Variants in TMEM272 observed in about 807,000 individuals in gnomAD.
TMEM272 encodes the protein long intergenic non-protein coding RNA 282.
TMEM272 carries 8 observed loss-of-function variants against 3.7 expected under a neutral mutation model. The observed-to-expected ratio is 2.17, with a 90% CI of 1.27 to 3.91. The LOEUF (loss-of-function observed/expected upper bound fraction) is 3.91. Among genes scored for constraint, TMEM272 ranks in the 30% most tolerant of loss-of-function variants. The pLI, the probability that TMEM272 is intolerant of heterozygous loss-of-function variation, is 0.00. For missense variants in TMEM272, 166 were observed against 91.5 expected (o/e 1.81, Z -3.32); for synonymous variants, 63 against 39.8 (o/e 1.58, Z -2.20).
At chr13:51,906,286 A>C in the TMEM272 span, among the ~76,000 whole-genome samples, 180 of 152,304 alleles carry the variant, frequency 1.2e-3, no homozygotes, top group African/African-American at 4.2e-3. Context: ...GGGGGAGAGA[A>C]GGGATTCACT....
chr13:51,868,996 AG>A, the TMEM272 span, among the ~76,000 whole-genome samples: 1 of 152,210 alleles, frequency 6.6e-6, no homozygotes, highest in African/African-American at 2.4e-5. Context: ...TTTGAAATGC[AG>A]TGGGTTCTCC....
the TMEM272 span, among the ~76,000 whole-genome samples, chr13:51,864,927 C>G: frequency 6.6e-6 from 1 of 152,168 alleles, no homozygotes; most frequent in Non-Finnish European, 1.5e-5. Context: ...GTCCCAGGCT[C>G]GTAACAGAGG....
the TMEM272 span, among the ~76,000 whole-genome samples, chr13:51,864,702 G>T: frequency 6.6e-6 from 1 of 152,230 alleles, no homozygotes; most frequent in South Asian, 2.1e-4. Context: ...GTTTCCTCAG[G>T]GTTTATACCT....
chr13:51,816,702 C>T lies in TMEM272; in HGVS notation c.*49G>A, dbSNP rs995079187. ...GCGTCTGTGTGTCTGTGTGCACGCG[C>T]GTGCATGCACACGCATATGCATACA... On this transcript the variant is annotated 3_prime_UTR_variant, in exon 5 of 5. Transcript: ENST00000629372. 1.5e-5 allele frequency: 10 copies of T among 656,104 alleles called. No individual in the cohort carries two copies. Among genetic ancestry groups the T allele is most frequent in the Middle Eastern group, 3.2e-4 (1 of 3,124 alleles). 40.6% of individuals were successfully genotyped at this position (656,104 alleles called of 1,614,324 possible).
At chr13:51,880,438 TTTTAAAAACCTGATTGGGAAAAC>T in the TMEM272 span, among the ~76,000 whole-genome samples, 1 of 152,154 alleles carries the variant, frequency 6.6e-6, no homozygotes, top group Non-Finnish European at 1.5e-5. Context: ...AATCAGTTAT[TTTTAAAAACCTGATTGGGAAAAC>T]CAAGAAGGTA....
At chr13:51,825,183 G>C (rs1453706667) in intron 3 of TMEM272, among the ~76,000 whole-genome samples, 2 of 152,098 alleles carry the variant, frequency 1.3e-5, no homozygotes, top group Non-Finnish European at 2.9e-5. Context: ...TGATTGAATT[G>C]TTCACTCTTA....
At position 51,822,253 on chromosome 13, in the gene TMEM272, G is replaced by A. The variant is rs1593591014; in HGVS notation, c.119-116C>T. On this transcript the variant is annotated intron_variant, in intron 3 of 4. Coordinates refer to ENST00000629372, the MANE Select transcript of TMEM272 (RefSeq NM_001351003.2). ...AAAATGTTAATCATGCAAACCATAT[G>A]CTTGTGGGATCTGCTCAGCCTCACC... 6.6e-6 allele frequency: 4 copies of A among 605,048 alleles called. No homozygotes were observed. The East Asian group carries it at 1.1e-4, about 17-fold the overall frequency. The allele number at this position is 605,048 out of a possible 1,614,324, so 37.5% of individuals were successfully genotyped here. A position where few individuals can be genotyped will look rare whatever the true frequency, so the allele number is the denominator to read the frequency against.
chr13:51,927,674 C>G, the TMEM272 span, among the ~76,000 whole-genome samples: 10 of 152,192 alleles, frequency 6.6e-5, no homozygotes, highest in Non-Finnish European at 1.5e-4. Flanking sequence ...CCCCAATGTG[C>G]ACCAGCATCA....
chr13:51,866,251 G>T, the TMEM272 span: 10 of 597,422 alleles, frequency 1.7e-5, no homozygotes, highest in South Asian at 1.5e-4. Context: ...AGGAAGGCTG[G>T]CTGCATTTTT....
the TMEM272 span, among the ~76,000 whole-genome samples, chr13:51,877,724 T>A: frequency 6.6e-6 from 1 of 152,240 alleles, no homozygotes; most frequent in African/African-American, 2.4e-5. Flanking sequence ...TCCTGTCTTA[T>A]TTGCTGCAAA....
the TMEM272 span, among the ~76,000 whole-genome samples, chr13:51,850,723 A>G: frequency 6.6e-6 from 1 of 152,104 alleles, no homozygotes; most frequent in South Asian, 2.1e-4. Flanking sequence ...ATCTAATACT[A>G]TACTCTTTTG....
At chr13:51,892,307 C>A in the TMEM272 span, among the ~76,000 whole-genome samples, 1 of 152,202 alleles carries the variant, frequency 6.6e-6, no homozygotes, top group Admixed American at 6.5e-5. Flanking sequence ...AACATCTACT[C>A]CGCTGTACAC....
rs989242144 is a variant in TMEM272 at position 51,817,037 on chromosome 13, T to A, written c.278A>T (p.Asp93Val). 1.0e-5 allele frequency: 7 copies of A among 702,878 alleles called. No individual in the cohort carries two copies. Among genetic ancestry groups the A allele is most frequent in the Admixed American group, 4.0e-5 (2 of 49,992 alleles). 43.5% of individuals were successfully genotyped at this position (702,878 alleles called of 1,614,324 possible). Reference protein sequence around the residue: ...SKAVVIDDDDDDEYPWRQNAH... With the variant: ...SKAVVIDDDDVDEYPWRQNAH... ...ATTCTGCCTCCAGGGGTATTCGTCATCGTCATCGTCATCAATCACCACGGC... is the reference window on the plus strand; with the variant it reads ...ATTCTGCCTCCAGGGGTATTCGTCAACGTCATCGTCATCAATCACCACGGC... The change falls in exon 5 of 5, where the codon GAT becomes GTT. Residue 93 changes from aspartate (D) to valine (V), a missense_variant. Coordinates refer to ENST00000629372, the MANE Select transcript of TMEM272 (RefSeq NM_001351003.2).
the TMEM272 span, among the ~76,000 whole-genome samples, chr13:51,854,300 T>G: frequency 1.3e-5 from 2 of 152,194 alleles, no homozygotes; most frequent in Non-Finnish European, 2.9e-5. Context: ...TCCCAAAGTT[T>G]CATGTAAGAA....
intron 1 of TMEM272, among the ~76,000 whole-genome samples, chr13:51,841,109 C>T (rs11618366): frequency 0.13 from 19,816 of 152,126 alleles, 1,623 homozygotes; most frequent in Middle Eastern, 0.22. Flanking sequence ...GAAAAACAAC[C>T]CTCCTGGATC....
At chr13:51,856,245 A>G in the TMEM272 span, among the ~76,000 whole-genome samples, 1 of 152,194 alleles carries the variant, frequency 6.6e-6, no homozygotes, top group African/African-American at 2.4e-5. Flanking sequence ...CTGAAAAAAA[A>G]TCTCAAAAGA....
intron 2 of TMEM272, among the ~76,000 whole-genome samples, chr13:51,828,573 T>C (rs1350836927): frequency 6.6e-6 from 1 of 152,200 alleles, no homozygotes; most frequent in Non-Finnish European, 1.5e-5. Context: ...CTGAGTTGTA[T>C]ATAATGCTAT....
At chr13:51,830,059 A>G (rs1956160261) in intron 2 of TMEM272, among the ~76,000 whole-genome samples, 1 of 152,162 alleles carries the variant, frequency 6.6e-6, no homozygotes, top group Non-Finnish European at 1.5e-5. Flanking sequence ...GCCTCCCCAC[A>G]CAGTTTGGTT....
chr13:51,923,715 G>A, the TMEM272 span, among the ~76,000 whole-genome samples: 3 of 150,778 alleles, frequency 2.0e-5, no homozygotes, highest in African/African-American at 7.3e-5. Flanking sequence ...CAAGAGGGGA[G>A]GGGAGGAGAG....
Sources: allele counts gnomAD v4.1 joint callset (sites outside exome capture counted in the v4.1 genomes callset), GRCh38; gene constraint gnomAD v4.1.1; transcripts MANE v1.5; gene names NCBI Gene and HGNC (gene_info 2026-07-23, HGNC 2026-07-21).